Variants in SLC36A4 observed in about 807,000 individuals in gnomAD.
The protein encoded by SLC36A4 is neutral amino acid uniporter 4.
Under a neutral mutation model 50.5 loss-of-function variants are expected in SLC36A4, and 49 were observed. The ratio of observed to expected loss-of-function variants is 0.97; its 90% confidence interval spans 0.77 to 1.23. The LOEUF (loss-of-function observed/expected upper bound fraction) is 1.23. SLC36A4 is among the 50% of genes most tolerant of loss of function. The pLI, the probability that SLC36A4 is intolerant of heterozygous loss-of-function variation, is 0.00. For missense variants in SLC36A4, 611 were observed against 608.4 expected, an observed-to-expected ratio of 1.00 and a Z score of -0.05; for synonymous variants, 207 against 206.5, an observed-to-expected ratio of 1.00 and a Z score of -0.02.
intron 1 of SLC36A4, among the ~76,000 whole-genome samples, chr11:93,196,484 A>G (rs923087046): frequency 2.0e-5 from 3 of 151,922 alleles, no homozygotes; most frequent in African/African-American, 7.3e-5. Flanking sequence ...CTCCTGCCTC[A>G]GCCACCCGAG....
In SLC36A4 at chr11:93,168,015, A is replaced by G. The variant is rs1476472759; in HGVS notation, c.697T>C (p.Phe233Leu). 3 of 1,612,820 alleles carry G rather than the reference A, an allele frequency of 1.9e-6. No individual in the cohort carries two copies. The highest frequency in any genetic ancestry group is 1.7e-4 in the Middle Eastern group (1 of 6,048). Residue 233 changes from phenylalanine (F) to leucine (L), a missense_variant, in exon 7 of 11, where the codon TTT becomes CTT. Transcript: ENST00000326402. ...LVFIRELKNLFVLSFLANVSM... is the reference protein window; with the variant it reads ...LVFIRELKNLLVLSFLANVSM... ...ACGTTGGCAAGGAATGAAAGTACAA[A>G]TAGATTCTTTAGTTCACGAATGAAG... is the stretch of plus-strand genomic sequence containing the variant.
rs139668883 is a variant in SLC36A4, at chr11:93,194,168, C to T, written c.55+3610G>A. Reference sequence around the variant, plus strand: ...GTGAGCAAGTTTACCAGAATATAGACGGACAATTGGATCATTAGTGTGCTT... The same window carrying T: ...GTGAGCAAGTTTACCAGAATATAGATGGACAATTGGATCATTAGTGTGCTT... On this transcript the variant is annotated intron_variant, in intron 1 of 10. Transcript: ENST00000326402. Among the ~76,000 whole-genome samples the T allele has an allele frequency of 3.5e-4, 53 of 151,976 alleles. No homozygotes were observed. The Middle Eastern group carries it at 0.01, about 29-fold the overall frequency.
intron 1 of SLC36A4, among the ~76,000 whole-genome samples, chr11:93,194,211 G>T (rs564508783): frequency 7.9e-5 from 12 of 151,910 alleles, no homozygotes; most frequent in Admixed American, 7.9e-4. Context: ...TCTGGAAAAT[G>T]TAAAAAAATA....
chr11:93,195,234 A>T (rs191421110), intron 1 of SLC36A4, among the ~76,000 whole-genome samples: 1 of 152,034 alleles, frequency 6.6e-6, no homozygotes, highest in African/African-American at 2.4e-5. Context: ...AAGGAAATTA[A>T]GTTTCTCCTA....
In SLC36A4 at chr11:93,181,408, A is replaced by G. The variant is rs565822015; in HGVS notation, c.455+283T>C. On this transcript the variant is annotated intron_variant, in intron 5 of 10. Transcript: ENST00000326402. ...TTTGACCAGGTCATGCTTTATAAATATCATTTTACTTCATCTACCATAATG... is the reference window on the plus strand; with the variant it reads ...TTTGACCAGGTCATGCTTTATAAATGTCATTTTACTTCATCTACCATAATG... 5.9e-5 allele frequency among the ~76,000 whole-genome samples: 9 copies of G among 152,212 alleles called. No individual in the cohort carries two copies. The East Asian group carries it at 1.3e-3, about 23-fold the overall frequency.
In SLC36A4 at chr11:93,154,354, T is replaced by C. The variant is rs1011848928; in HGVS notation, c.1038-77A>G. 3.9e-5 allele frequency: 27 copies of C among 696,736 alleles called. No homozygotes were observed. The African/African-American group carries it at 4.9e-4, about 13-fold the overall frequency. The allele number at this position is 696,736 out of a possible 1,614,324, so 43.2% of individuals were successfully genotyped here. The stretch of plus-strand genomic sequence containing the variant: ...TCCTCCTTTATTTTTAATATTAAGA[T>C]AAATAAGAAATCCAGAATACCAAAT... On this transcript the variant is annotated intron_variant, in intron 9 of 10. Coordinates refer to ENST00000326402, the MANE Select transcript of SLC36A4 (RefSeq NM_152313.4).
chr11:93,177,140 C>A (rs975997465), intron 6 of SLC36A4, among the ~76,000 whole-genome samples: 1 of 152,132 alleles, frequency 6.6e-6, no homozygotes, highest in Non-Finnish European at 1.5e-5. Flanking sequence ...TTCTTGGAGG[C>A]TTTGTTCGTT....
Position 93,197,919 on chromosome 11 carries a change from T to G in SLC36A4, c.-87A>C. The stretch of plus-strand genomic sequence containing the variant: ...GCGTCAGGCCCAGGCCTACCTCCCC[T>G]GCCCGGAGGGACCCGCGCCTGGTGC... On this transcript the variant is annotated 5_prime_UTR_variant, in exon 1 of 11. Transcript: ENST00000326402. 1 of 1,311,782 alleles carries G rather than the reference T, an allele frequency of 7.6e-7. No individual in the cohort carries two copies. The highest frequency in any genetic ancestry group is 3.3e-5 in the Admixed American group (1 of 30,146). The allele number at this position is 1,311,782 out of a possible 1,614,324, so 81.3% of individuals were successfully genotyped here. A position where few individuals can be genotyped will look rare whatever the true frequency, so the allele number is the denominator to read the frequency against.
Position 93,162,118 on chromosome 11 carries a change from T to C in SLC36A4, c.1037+588A>G, listed in dbSNP as rs201570020. On this transcript the variant is annotated intron_variant, in intron 9 of 10. Coordinates refer to ENST00000326402, the MANE Select transcript of SLC36A4 (RefSeq NM_152313.4). ...TGGCTTTTTTGGCAATAAGGACAAG[T>C]ATTAATTTTTTTATTAAAACGTGTC... Among the ~76,000 whole-genome samples the C allele has an allele frequency of 9.2e-5, 14 of 152,256 alleles. No homozygotes were observed. In the East Asian group the frequency reaches 1.9e-3, roughly 21 times the overall value.
At chr11:93,168,638 C>A (rs558160862) in intron 6 of SLC36A4, among the ~76,000 whole-genome samples, 2 of 151,972 alleles carry the variant, frequency 1.3e-5, no homozygotes, top group Non-Finnish European at 2.9e-5. Context: ...ATAGTCAGAG[C>A]AAAATTTTAA....
At chr11:93,161,458 CAG>C (rs1860613809) in intron 9 of SLC36A4, among the ~76,000 whole-genome samples, 1 of 152,130 alleles carries the variant, frequency 6.6e-6, no homozygotes, top group Non-Finnish European at 1.5e-5. Flanking sequence ...TTTAAAAATA[CAG>C]ACACACCACA....
At chr11:93,176,499 A>G (rs1442746295) in intron 6 of SLC36A4, among the ~76,000 whole-genome samples, 1 of 151,488 alleles carries the variant, frequency 6.6e-6, no homozygotes, top group East Asian at 1.9e-4. Flanking sequence ...TTATGATGTT[A>G]GCTGGTGATT....
chr11:93,149,030 C>T (rs909609298), intron 10 of SLC36A4, among the ~76,000 whole-genome samples, 186 bp from the exon 11 acceptor site: 1 of 151,884 alleles, frequency 6.6e-6, no homozygotes, highest in African/African-American at 2.4e-5. Context: ...GACAGAAAGA[C>T]CAAAATAGTG....
At chr11:93,167,628 T>C (rs1860936204) in intron 7 of SLC36A4, 1 of 229,342 alleles carries the variant, frequency 4.4e-6, no homozygotes, top group Admixed American at 5.6e-5. Context: ...TGTTTGGCAC[T>C]GTACTAAGAA....
At chr11:93,158,874 G>C (rs1860488212) in intron 9 of SLC36A4, among the ~76,000 whole-genome samples, 1 of 151,952 alleles carries the variant, frequency 6.6e-6, no homozygotes, top group Non-Finnish European at 1.5e-5. Flanking sequence ...AAAGTCACAG[G>C]AATTTGTTTT....
intron 6 of SLC36A4, chr11:93,179,947 A>G (rs1861664335): frequency 9.8e-6 from 3 of 307,114 alleles, no homozygotes; most frequent in Non-Finnish European, 1.4e-5. Flanking sequence ...GAAATGAAGC[A>G]TAGTCTATAC....
At position 93,168,140 on chromosome 11, in the gene SLC36A4, A is replaced by T. The variant is rs1370613146; in HGVS notation, c.572T>A (p.Phe191Tyr). The T allele has an allele frequency of 1.2e-6, 2 of 1,611,466 alleles. No homozygotes were observed. Among genetic ancestry groups the T allele is most frequent in the Non-Finnish European group, 1.7e-6 (2 of 1,178,686 alleles). Reference protein sequence around the residue: ...VHEGFLESKVFISNSTNSSNP... With the variant: ...VHEGFLESKVYISNSTNSSNP... ...TGATGAATTGGTACTATTTGAAATA[A>T]ACACTTTACTCTCCAGGAATCCTTC... is the stretch of plus-strand genomic sequence containing the variant. The change falls in exon 7 of 11, where the codon TTT becomes TAT. Residue 191 changes from phenylalanine to tyrosine, a missense_variant. Transcript: ENST00000326402.
At chr11:93,158,930 C>T (rs182004241) in intron 9 of SLC36A4, among the ~76,000 whole-genome samples, 215 of 152,194 alleles carry the variant, frequency 1.4e-3, no homozygotes, top group African/African-American at 4.8e-3. Flanking sequence ...ATTTAGTGTA[C>T]ATTAAAAGGT....
chr11:93,170,060 A>T (rs1861058730), intron 6 of SLC36A4: 1 of 152,090 alleles, frequency 6.6e-6, no homozygotes, highest in African/African-American at 2.4e-5. Context: ...AAGTGGTTAT[A>T]AAAATTCTGA....
Sources: allele counts gnomAD v4.1 joint callset (sites outside exome capture counted in the v4.1 genomes callset), GRCh38; gene constraint gnomAD v4.1.1; transcripts MANE v1.5; gene names NCBI Gene and HGNC (gene_info 2026-07-23, HGNC 2026-07-21).